Variants in MAPK8IP3 observed in about 807,000 individuals in gnomAD.
MAPK8IP3 encodes the protein mitogen-activated protein kinase 8 interacting protein 3.
A neutral mutation model predicts 157.8 loss-of-function variants in MAPK8IP3; 49 were observed. That is an observed-to-expected ratio of 0.31 (90% CI 0.25 to 0.39). The LOEUF (loss-of-function observed/expected upper bound fraction) is 0.39, where lower values mean the gene tolerates loss of function less well. Among genes scored for constraint, MAPK8IP3 ranks in the 10% least tolerant of loss-of-function variants. The pLI is 1.00. For synonymous variants in MAPK8IP3, 897 were observed against 777.7 expected (o/e 1.15, Z -2.55); for missense variants, 1,478 against 1,889.4 (o/e 0.78, Z 4.04).
intron 4 of MAPK8IP3, among the ~76,000 whole-genome samples, chr16:1,732,261 C>G (rs2039365785): frequency 6.6e-6 from 1 of 152,218 alleles, no homozygotes; most frequent in Non-Finnish European, 1.5e-5. Context: ...GTTTCTGCCC[C>G]CAAGCCTCCC....
In MAPK8IP3 at chr16:1,724,444, C is replaced by A; in HGVS notation, c.319-113C>A. On this transcript the variant is annotated intron_variant, in intron 1 of 31. Transcript: ENST00000610761. This position sits in a 1 kb window ranked among gnomAD's most constrained non-coding sequence, Gnocchi z 4.1. ...GGCCTGGCCATGGGCCAGCTTGTGGCCCTGGGGACATCTTTGGCCCCTGGG... is the reference window on the plus strand; with the variant it reads ...GGCCTGGCCATGGGCCAGCTTGTGGACCTGGGGACATCTTTGGCCCCTGGG... The A allele has an allele frequency of 7.1e-7, 1 of 1,411,464 alleles. No individual in the cohort carries two copies. The highest frequency in any genetic ancestry group is 1.3e-5 in the South Asian group (1 of 76,290). The allele number at this position is 1,411,464 out of a possible 1,614,324, so 87.4% of individuals were successfully genotyped here. A position where few individuals can be genotyped will look rare whatever the true frequency, so the allele number is the denominator to read the frequency against.
chr16:1,729,662 T>G lies in MAPK8IP3; in HGVS notation c.602+84T>G, dbSNP rs1053734096. 18 of 1,281,268 alleles carry G rather than the reference T, an allele frequency of 1.4e-5. No homozygotes were observed. The East Asian group carries it at 4.6e-4, about 33-fold the overall frequency. 79.4% of individuals were successfully genotyped at this position (1,281,268 alleles called of 1,614,324 possible). On this transcript the variant is annotated intron_variant, in intron 4 of 31. Coordinates refer to ENST00000610761, the MANE Select transcript of MAPK8IP3 (RefSeq NM_001318852.2). Reference sequence around the variant, plus strand: ...GACGCGGCACATGCCAGGGTCGTAGTGCTTGTTATGGCCCGCGCTCTGGGC... The same window carrying G: ...GACGCGGCACATGCCAGGGTCGTAGGGCTTGTTATGGCCCGCGCTCTGGGC...
rs1567212905 is a variant in MAPK8IP3, at chr16:1,767,308, G to A, written c.3237+11G>A. On this transcript the variant is annotated intron_variant, in intron 26 of 31. Transcript: ENST00000610761. ...ACCATGCAGATAGAGGCGAGTGCCG[G>A]CCAGGGCCCCGGGGAGGGGAAGAGG... 1 of 1,612,632 alleles carries A rather than the reference G, an allele frequency of 6.2e-7. No individual in the cohort carries two copies. The highest frequency in any genetic ancestry group is 1.7e-5 in the Admixed American group (1 of 60,012).
In MAPK8IP3 at chr16:1,743,493, G is replaced by T; in HGVS notation, c.747+17G>T. On this transcript the variant is annotated intron_variant, in intron 5 of 31. Transcript: ENST00000610761. This position sits in a 1 kb window ranked among gnomAD's most constrained non-coding sequence, Gnocchi z 5.6. ...AGCTACCAGGTTTTGTAGCCGTGCCGTGGAGTGAGAGGCTCCTCCCTGTTG... is the reference window on the plus strand; with the variant it reads ...AGCTACCAGGTTTTGTAGCCGTGCCTTGGAGTGAGAGGCTCCTCCCTGTTG... 6.2e-7 allele frequency: 1 copy of T among 1,605,988 alleles called. No individual in the cohort carries two copies. The highest frequency in any genetic ancestry group is 8.5e-7 in the Non-Finnish European group (1 of 1,178,140).
intron 29 of MAPK8IP3, 33 bp from the exon 30 acceptor site, chr16:1,768,166 C>G: frequency 6.2e-7 from 1 of 1,611,718 alleles, no homozygotes; most frequent in Non-Finnish European, 8.5e-7. Context: ...CACCTGTATG[C>G]GGGCTCAGCG....
At position 1,769,059 on chromosome 16, in the gene MAPK8IP3, C is replaced by G. The variant is rs556397284; in HGVS notation, c.*235C>G. ...GGAAGATGCTCTCGGGACAGTTTCC[C>G]GGGCAGCTCCTGGCCAGCTTCCAGC... On this transcript the variant is annotated 3_prime_UTR_variant, in exon 32 of 32. Coordinates refer to ENST00000610761, the MANE Select transcript of MAPK8IP3 (RefSeq NM_001318852.2). 3.5e-6 allele frequency: 2 copies of G among 565,778 alleles called. No homozygotes were observed. Among genetic ancestry groups the G allele is most frequent in the Admixed American group, 3.1e-5 (1 of 31,992 alleles). 35.0% of individuals were successfully genotyped at this position (565,778 alleles called of 1,614,324 possible). A position where few individuals can be genotyped will look rare whatever the true frequency, so the allele number is the denominator to read the frequency against.
chr16:1,717,186 A>G (rs1163232872), intron 1 of MAPK8IP3, among the ~76,000 whole-genome samples: 1 of 151,386 alleles, frequency 6.6e-6, no homozygotes, highest in Non-Finnish European at 1.5e-5. Context: ...CAGTGAGCCA[A>G]GATCGTGCCA....
Position 1,764,183 on chromosome 16 carries a change from T to C in MAPK8IP3, c.2094T>C (p.Pro698=), listed in dbSNP as rs2042119662. 1 of 1,611,638 alleles carries C rather than the reference T, an allele frequency of 6.2e-7. No homozygotes were observed. The highest frequency in any genetic ancestry group is 8.5e-7 in the Non-Finnish European group (1 of 1,179,550). ...TGCCGGTGCCGGTGTACTGCCGCCCTCTGGTGGAGAAGGACCCCACCATGA... is the reference window on the plus strand; with the variant it reads ...TGCCGGTGCCGGTGTACTGCCGCCCCCTGGTGGAGAAGGACCCCACCATGA... ...KNVPVPVYCR[P]LVEKDPTMKL... Residue 698 remains proline, a synonymous_variant, in exon 18 of 32, where the codon CCT becomes CCC. Coordinates refer to ENST00000610761, the MANE Select transcript of MAPK8IP3 (RefSeq NM_001318852.2).
chr16:1,767,067 T>C, intron 25 of MAPK8IP3, 82 bp from the exon 26 acceptor site: 1 of 1,584,534 alleles, frequency 6.3e-7, no homozygotes, highest in Non-Finnish European at 8.6e-7. Flanking sequence ...CTCCTTAGTC[T>C]GGCAGTGGGT....
At chr16:1,753,167 T>G (rs1435449591) in intron 8 of MAPK8IP3, among the ~76,000 whole-genome samples, 1 of 152,194 alleles carries the variant, frequency 6.6e-6, no homozygotes, top group Non-Finnish European at 1.5e-5. Flanking sequence ...TGCACCTCTC[T>G]CAGCATTTTT....
intron 6 of MAPK8IP3, among the ~76,000 whole-genome samples, chr16:1,747,579 C>A (rs928018775): frequency 1.1e-4 from 16 of 152,220 alleles, no homozygotes; most frequent in Admixed American, 9.8e-4. Context: ...CACGTGACCT[C>A]ATTTTACCAT....
intron 8 of MAPK8IP3, among the ~76,000 whole-genome samples, chr16:1,753,441 A>ATTTTT (rs778556396): frequency 7.1e-6 from 1 of 141,666 alleles, no homozygotes; most frequent in Non-Finnish European, 1.5e-5. Context: ...TTATTTATTT[A>ATTTTT]TTTATTTATT....
In MAPK8IP3 at chr16:1,706,217, G is replaced by C; in HGVS notation, c.-123G>C. The stretch of plus-strand genomic sequence containing the variant: ...CGCAGCCTCGGCAGCGGCGGCGGCG[G>C]AGCCCTGAGGCGACAGCAGCTGCGG... On this transcript the variant is annotated 5_prime_UTR_variant, in exon 1 of 32. Coordinates refer to ENST00000610761, the MANE Select transcript of MAPK8IP3 (RefSeq NM_001318852.2). This position sits in a 1 kb window ranked among gnomAD's most constrained non-coding sequence, Gnocchi z 5.1. The C allele has an allele frequency of 2.5e-6, 2 of 805,768 alleles. No individual in the cohort carries two copies. Among genetic ancestry groups the C allele is most frequent in the Non-Finnish European group, 3.4e-6 (2 of 593,130 alleles). The allele number at this position is 805,768 out of a possible 1,614,324, so 49.9% of individuals were successfully genotyped here. A position where few individuals can be genotyped will look rare whatever the true frequency, so the allele number is the denominator to read the frequency against.
At chr16:1,714,132 G>A (rs1312087469) in intron 1 of MAPK8IP3, 1 of 152,308 alleles carries the variant, frequency 6.6e-6, no homozygotes, top group African/African-American at 2.4e-5. Flanking sequence ...CAGGCTGTGT[G>A]TGTCCTTCCC....
intron 4 of MAPK8IP3, among the ~76,000 whole-genome samples, chr16:1,740,146 T>C (rs1338182162): frequency 1.5e-5 from 1 of 67,614 alleles, no homozygotes; most frequent in Middle Eastern, 0.013. Context: ...CCGTGTGAGC[T>C]TCCGTGTGAC....
At chr16:1,721,348 C>G (rs2038509052) in intron 1 of MAPK8IP3, among the ~76,000 whole-genome samples, 1 of 152,036 alleles carries the variant, frequency 6.6e-6, no homozygotes, top group Non-Finnish European at 1.5e-5. Flanking sequence ...TGCCTGTAAT[C>G]CCAGCACTTT....
intron 3 of MAPK8IP3, 124 bp from the exon 4 acceptor site, chr16:1,729,363 A>T: frequency 8.0e-7 from 1 of 1,256,078 alleles, no homozygotes; most frequent in South Asian, 1.3e-5. Flanking sequence ...GGCTGGTTAG[A>T]TTCCCCTCCA....
Position 1,767,843 on chromosome 16 carries a change from G to T in MAPK8IP3, c.3448G>T (p.Ala1150Ser). 1 of 1,611,424 alleles carries T rather than the reference G, an allele frequency of 6.2e-7. No homozygotes were observed. Residue 1150 changes from alanine (A) to serine (S), a missense_variant, in exon 28 of 32, where the codon GCC (alanine) becomes TCC (serine). Coordinates refer to ENST00000610761, the MANE Select transcript of MAPK8IP3 (RefSeq NM_001318852.2). Reference sequence around the variant, plus strand: ...GGGTTTCTCCTTCGTACGCATCACGGCCCTGCTTGTCGCGGGCAGCCGGCT... The same window carrying T: ...GGGTTTCTCCTTCGTACGCATCACGTCCCTGCTTGTCGCGGGCAGCCGGCT... ...KLGFSFVRITALLVAGSRLWV... is the reference protein window; with the variant it reads ...KLGFSFVRITSLLVAGSRLWV...
Position 1,761,374 on chromosome 16 carries a change from C to T in MAPK8IP3, c.1539+69C>T, listed in dbSNP as rs188125444. The stretch of plus-strand genomic sequence containing the variant: ...CACTTTTCACAGGCGGGGCGGCCAC[C>T]GTTCACCATTCACACACAGGGTGAC... On this transcript the variant is annotated intron_variant, in intron 13 of 31. Transcript: ENST00000610761. The T allele has an allele frequency of 6.9e-4, 955 of 1,374,328 alleles. 8 individuals carry two copies. In the African/African-American group the frequency reaches 0.012, roughly 17 times the overall value. 85.1% of individuals were successfully genotyped at this position (1,374,328 alleles called of 1,614,324 possible).
Sources: gnomAD v4.1 joint callset for allele counts (sites outside exome capture counted in the v4.1 genomes callset) on GRCh38, gnomAD v4.1.1 for gene constraint, Gnocchi (gnomAD v3.1) non-coding constraint, MANE v1.5 for transcripts, NCBI Gene and HGNC (gene_info 2026-07-23, HGNC 2026-07-21) for gene names.